Variants in PRLR observed in about 807,000 individuals in gnomAD.
The protein encoded by PRLR is hPRL receptor.
A neutral mutation model predicts 40.2 loss-of-function variants in PRLR; 13 were observed. The observed-to-expected ratio is 0.32, with a 90% CI of 0.21 to 0.51. The LOEUF is 0.51. Ranked by LOEUF, PRLR falls within the 20% of genes least tolerant of loss-of-function variation. The pLI, the probability that PRLR is intolerant of heterozygous loss-of-function variation, is 0.97. For synonymous variants in PRLR, 269 were observed against 278.7 expected (o/e 0.97, Z 0.35); for missense variants, 656 against 747.3 (o/e 0.88, Z 1.42).
intron 1 of PRLR, among the ~76,000 whole-genome samples, chr5:35,209,361 A>C (rs1776108267): frequency 6.6e-6 from 1 of 152,216 alleles, no homozygotes; most frequent in Admixed American, 6.5e-5. Context: ...TACCAAATGA[A>C]ATAAGCCTTT....
chr5:35,061,795 T>C lies in PRLR; in HGVS notation c.*3294A>G, dbSNP rs1392233896. On this transcript the variant is annotated 3_prime_UTR_variant, in exon 10 of 10. Coordinates refer to ENST00000618457, the MANE Select transcript of PRLR (RefSeq NM_000949.7). The stretch of plus-strand genomic sequence containing the variant: ...ATACAACTTATTATAACTCAGAGTG[T>C]AAGGATACATGAGCCAACTGTGCAA... 4 of 152,144 alleles carry C rather than the reference T, an allele frequency of 2.6e-5. No homozygotes were observed. Among genetic ancestry groups the C allele is most frequent in the African/African-American group, 9.7e-5 (4 of 41,442 alleles). The allele number at this position is 152,144 out of a possible 1,614,324, so 9.4% of individuals were successfully genotyped here.
chr5:35,218,356 A>C (rs972985288), intron 1 of PRLR, among the ~76,000 whole-genome samples: 1 of 152,206 alleles, frequency 6.6e-6, no homozygotes, highest in Non-Finnish European at 1.5e-5. Context: ...GTTGAAAATT[A>C]CCCTATGGAA....
intron 1 of PRLR, among the ~76,000 whole-genome samples, chr5:35,200,879 T>C (rs527611591): frequency 6.6e-6 from 1 of 152,300 alleles, no homozygotes; most frequent in Admixed American, 6.5e-5. Context: ...GGAGGCAGGG[T>C]TAGAATTCAA....
intron 2 of PRLR, among the ~76,000 whole-genome samples, chr5:35,093,716 T>C (rs1489990705): frequency 6.6e-6 from 1 of 152,256 alleles, no homozygotes; most frequent in Non-Finnish European, 1.5e-5. Context: ...GCACAAATTG[T>C]AAGTACAGTC....
At chr5:35,120,035 T>G (rs901368448) in intron 1 of PRLR, among the ~76,000 whole-genome samples, 1 of 152,160 alleles carries the variant, frequency 6.6e-6, no homozygotes, top group African/African-American at 2.4e-5. Context: ...TCCTCTGCCC[T>G]GGCTCCCACG....
intron 1 of PRLR, among the ~76,000 whole-genome samples, chr5:35,227,728 A>T (rs1330940668): frequency 1.3e-5 from 2 of 152,322 alleles, no homozygotes; most frequent in Middle Eastern, 6.8e-3. Context: ...GAGAGAGAGT[A>T]CATGCTGAGT....
chr5:35,208,165 ACC>A (rs1156984050), intron 1 of PRLR, among the ~76,000 whole-genome samples: 1 of 98,094 alleles, frequency 1.0e-5, no homozygotes, highest in African/African-American at 3.4e-5. Flanking sequence ...TCCTTCACAC[ACC>A]CACGCGCGCG....
intron 1 of PRLR, among the ~76,000 whole-genome samples, chr5:35,205,469 GC>G (rs1452586856): frequency 6.6e-6 from 1 of 151,416 alleles, no homozygotes; most frequent in African/African-American, 2.4e-5. Context: ...TTCATTCTTT[GC>G]CTAAAAACTG....
chr5:35,135,891 G>T (rs1773843832), intron 1 of PRLR, among the ~76,000 whole-genome samples: 1 of 152,204 alleles, frequency 6.6e-6, no homozygotes. Flanking sequence ...AAGGCCAGGG[G>T]CCTATGAGGT....
chr5:35,099,277 T>G (rs933190186), intron 2 of PRLR, among the ~76,000 whole-genome samples: 1 of 152,124 alleles, frequency 6.6e-6, no homozygotes, highest in Non-Finnish European at 1.5e-5. Context: ...GCATATATGG[T>G]GGTGGTCCTA....
intron 1 of PRLR, among the ~76,000 whole-genome samples, chr5:35,174,199 C>T (rs1456587041): frequency 1.3e-5 from 2 of 152,026 alleles, no homozygotes; most frequent in Admixed American, 1.3e-4. Context: ...TAGCAATTCT[C>T]CTGCCTCAGC....
At chr5:35,106,694 C>T (rs1322580536) in intron 2 of PRLR, among the ~76,000 whole-genome samples, 1 of 152,180 alleles carries the variant, frequency 6.6e-6, no homozygotes, top group Non-Finnish European at 1.5e-5. Flanking sequence ...AATATACATG[C>T]ACCCAATACA....
At chr5:35,053,037 G>A (rs988274669), downstream of PRLR, among the ~76,000 whole-genome samples, 2 of 152,042 alleles carry the variant, frequency 1.3e-5, no homozygotes, top group African/African-American at 4.8e-5. Flanking sequence ...GTGAACCCTC[G>A]GAGGGCAAAA....
intron 8 of PRLR, 28 bp from the exon 9 acceptor site, chr5:35,068,313 A>C: frequency 6.3e-7 from 1 of 1,580,232 alleles, no homozygotes; most frequent in South Asian, 1.1e-5. Flanking sequence ...AGATTGGCTA[A>C]ATGACTCATT....
chr5:35,217,354 A>C (rs1776310025), intron 1 of PRLR, among the ~76,000 whole-genome samples: 1 of 152,226 alleles, frequency 6.6e-6, no homozygotes, highest in Non-Finnish European at 1.5e-5. Context: ...CTGAAAGTAC[A>C]TGCCCACCAA....
At chr5:35,181,697 G>A (rs1775301627) in intron 1 of PRLR, among the ~76,000 whole-genome samples, 1 of 152,180 alleles carries the variant, frequency 6.6e-6, no homozygotes, top group South Asian at 2.1e-4. Context: ...TATGATTAAT[G>A]GGAATAGATC....
At chr5:35,221,511 G>C (rs1776419160) in intron 1 of PRLR, among the ~76,000 whole-genome samples, 1 of 152,142 alleles carries the variant, frequency 6.6e-6, no homozygotes, top group South Asian at 2.1e-4. Flanking sequence ...ATAGTTTGAT[G>C]GTTTTCTGGG....
chr5:35,215,971 G>A (rs567667323), intron 1 of PRLR, among the ~76,000 whole-genome samples: 18 of 151,616 alleles, frequency 1.2e-4, no homozygotes, highest in African/African-American at 4.4e-4. Flanking sequence ...GCAGGAGGCA[G>A]AGGTTGCAGT....
chr5:35,086,064 G>C (rs1770830940), intron 4 of PRLR, 144 bp downstream of exon 4: 2 of 946,382 alleles, frequency 2.1e-6, no homozygotes, highest in African/African-American at 1.6e-5. Flanking sequence ...TGTGGGCATG[G>C]ACCTTAGACT....
Sources: gnomAD v4.1 joint callset for allele counts (sites outside exome capture counted in the v4.1 genomes callset) on GRCh38, gnomAD v4.1.1 for gene constraint, MANE v1.5 for transcripts, NCBI Gene and HGNC (gene_info 2026-07-23, HGNC 2026-07-21) for gene names.